The following CCNH variants were observed in gnomAD, a reference collection of about 807,000 sequenced individuals.
CCNH encodes the protein cyclin H, also known as cyclin-H.
CCNH carries 31 observed loss-of-function variants against 41.9 expected under a neutral mutation model. The ratio of observed to expected loss-of-function variants is 0.74; its 90% confidence interval spans 0.56 to 1.00. The LOEUF is 1.00. Among genes scored for constraint, CCNH ranks in the 50% least tolerant of loss-of-function variants. CCNH has a pLI of 0.00. For missense variants in CCNH, 362 were observed against 388.4 expected, an observed-to-expected ratio of 0.93 and a Z score of 0.57; for synonymous variants, 138 against 136.1, an observed-to-expected ratio of 1.01 and a Z score of -0.10.
chr5:87,320,883 TAG>T (rs1756744227), intron 9 of CCNH, among the ~76,000 whole-genome samples: 1 of 152,246 alleles, frequency 6.6e-6, no homozygotes, highest in Non-Finnish European at 1.5e-5. Context: ...GTAGTATTTG[TAG>T]AGTTACACAT....
At chr5:87,386,746 GTAATTACTTTTGCACCAACCTAA>G, downstream of CCNH, 5 of 1,263,440 alleles carry the variant, frequency 4.0e-6, no homozygotes, top group South Asian at 6.0e-5. Flanking sequence ...GCTGTTAACT[GTAATTACTTTTGCACCAACCTAA>G]TAGATCAAAC....
chr5:87,382,932 A>G (rs76087364), intron 9 of CCNH, among the ~76,000 whole-genome samples: 1 of 151,540 alleles, frequency 6.6e-6, no homozygotes, highest in Non-Finnish European at 1.5e-5. Context: ...AAATAATTAA[A>G]AAAAAAAAAA....
At chr5:87,316,169 A>G (rs562764015), downstream of CCNH, among the ~76,000 whole-genome samples, 5 of 152,318 alleles carry the variant, frequency 3.3e-5, no homozygotes, top group Non-Finnish European at 5.9e-5. Flanking sequence ...AATTTAAAGC[A>G]AATATGACGA....
chr5:87,399,483 CT>C lies in CCNH; in HGVS notation c.782del (p.Lys261SerfsTer13), dbSNP rs764616019. 1 of 1,612,982 alleles carries C rather than the reference CT, an allele frequency of 6.2e-7. No individual in the cohort carries two copies. The highest frequency in any genetic ancestry group is 1.1e-5 in the South Asian group (1 of 91,068). On this transcript the variant is annotated frameshift_variant, in exon 7 of 9. Transcript: ENST00000256897. LOFTEE classifies it high-confidence loss of function. ...IMKSMRNLVKKYEPPRSEEVA... is the reference protein window; with the variant it reads ...IMKSMRNLVKXYEPPRSEEVA... Reference sequence around the variant, plus strand: ...CTTCTTCAGATCTGGGTGGTTCATACTTCTTTACTAAGTTTCTCATGCCTAT... The same window carrying C: ...CTTCTTCAGATCTGGGTGGTTCATACTCTTTACTAAGTTTCTCATGCCTAT...
intron 9 of CCNH, chr5:87,353,124 A>G (rs1250899374): frequency 4.5e-6 from 7 of 1,539,622 alleles, no homozygotes; most frequent in Non-Finnish European, 6.3e-6. Flanking sequence ...GTTTTATGAG[A>G]CAGATTAATA....
chr5:87,374,727 C>T (rs552136066), downstream of CCNH: 3 of 1,414,350 alleles, frequency 2.1e-6, no homozygotes, highest in South Asian at 2.5e-5. Context: ...GTCTAGCACA[C>T]TGTTTTTTTT....
At chr5:87,378,143 A>T (rs1010511076), upstream of CCNH, among the ~76,000 whole-genome samples, 2 of 152,116 alleles carry the variant, frequency 1.3e-5, no homozygotes, top group African/African-American at 4.8e-5. Context: ...CTGAGTCTTC[A>T]TTTTTCCATA....
intron 9 of CCNH, among the ~76,000 whole-genome samples, chr5:87,364,657 T>C (rs1327169271): frequency 6.6e-6 from 1 of 152,100 alleles, no homozygotes; most frequent in African/African-American, 2.4e-5. Context: ...GATTCAGGCC[T>C]CTGTCTTTTC....
intron 9 of CCNH, among the ~76,000 whole-genome samples, chr5:87,327,027 A>G (rs1014618389): frequency 3.9e-5 from 6 of 152,226 alleles, no homozygotes; most frequent in Non-Finnish European, 8.8e-5. Context: ...TTTATTAATC[A>G]GTCCCATATC....
Position 87,411,363 on chromosome 5 carries a change from A to AC in CCNH, c.118-18dup. On this transcript the variant is annotated splice_polypyrimidine_tract_variant and intron_variant, in intron 1 of 8. Coordinates refer to ENST00000256897, the MANE Select transcript of CCNH (RefSeq NM_001239.4). ...CGGAAGAACCTTTAGATCAACAATT[A>AC]CAACACAAGTTCAATGAATTCAATG... 6.3e-7 allele frequency: 1 copy of AC among 1,592,116 alleles called. No individual in the cohort carries two copies. The highest frequency in any genetic ancestry group is 1.2e-5 in the South Asian group (1 of 86,242).
chr5:87,363,284 T>C, intron 9 of CCNH: 1 of 1,384,702 alleles, frequency 7.2e-7, no homozygotes, highest in Admixed American at 1.8e-5. Flanking sequence ...AAACACTAAT[T>C]TTAATAATAT....
At chr5:87,385,456 T>C (rs1762001142) in intron 9 of CCNH, 12 of 1,229,452 alleles carry the variant, frequency 9.8e-6, no homozygotes, top group African/African-American at 1.5e-5. Flanking sequence ...AAACCATAAA[T>C]TGTGGCTTAA....
At chr5:87,382,293 CTT>C (rs1230621113) in intron 9 of CCNH, among the ~76,000 whole-genome samples, 2 of 152,132 alleles carry the variant, frequency 1.3e-5, no homozygotes, top group African/African-American at 4.8e-5. Flanking sequence ...GAAGTAACAT[CTT>C]TACTTTCTAA....
chr5:87,371,556 G>T (rs1372624602), downstream of CCNH, among the ~76,000 whole-genome samples: 1 of 152,042 alleles, frequency 6.6e-6, no homozygotes, highest in Admixed American at 6.6e-5. Flanking sequence ...AGGCTAAAAT[G>T]ATTTTTAAAA....
At chr5:87,346,042 A>T (rs952465369) in intron 9 of CCNH, among the ~76,000 whole-genome samples, 3 of 152,132 alleles carry the variant, frequency 2.0e-5, no homozygotes, top group African/African-American at 7.2e-5. Context: ...CTTGACTATG[A>T]TGCCTTTTAT....
At position 87,394,367 on chromosome 5, in the gene CCNH, C is replaced by CT. The variant is rs1762748275; in HGVS notation, c.*78dup. 6.5e-7 allele frequency: 1 copy of CT among 1,541,160 alleles called. No individual in the cohort carries two copies. The highest frequency in any genetic ancestry group is 2.0e-5 in the Admixed American group (1 of 49,424). On this transcript the variant is annotated 3_prime_UTR_variant, in exon 9 of 9. Transcript: ENST00000256897. ...ATATATTTTATGTTTTCACATTATACTTTTTAAATAAAGTTAAACGTTTGA... is the reference window on the plus strand; with the variant it reads ...ATATATTTTATGTTTTCACATTATACTTTTTTAAATAAAGTTAAACGTTTGA...
intron 5 of CCNH, among the ~76,000 whole-genome samples, chr5:87,404,039 G>C (rs1411171493): frequency 6.6e-6 from 1 of 152,156 alleles, no homozygotes; most frequent in African/African-American, 2.4e-5. Context: ...CAGAGAACAG[G>C]CATATCATAA....
chr5:87,362,734 C>A (rs115394820), intron 9 of CCNH: 1 of 1,533,458 alleles, frequency 6.5e-7, no homozygotes, highest in Non-Finnish European at 9.0e-7. Context: ...GAGCTCCGAA[C>A]TTATTGTGAT....
At chr5:87,384,957 A>G (rs2112512249) in intron 9 of CCNH, among the ~76,000 whole-genome samples, 1 of 152,158 alleles carries the variant, frequency 6.6e-6, no homozygotes, top group East Asian at 1.9e-4. Context: ...GAACTGTCAT[A>G]AAAGATGTGA....
Sources: gnomAD v4.1 joint callset for allele counts (sites outside exome capture counted in the v4.1 genomes callset) on GRCh38, gnomAD v4.1.1 for gene constraint, MANE v1.5 for transcripts, NCBI Gene and HGNC (gene_info 2026-07-23, HGNC 2026-07-21) for gene names.